The following LYST variants were observed in gnomAD, a reference collection of about 807,000 sequenced individuals.
LYST encodes the protein lysosomal-trafficking regulator.
In LYST, 192 loss-of-function variants were observed where a neutral mutation model predicts 413.6. The ratio of observed to expected loss-of-function variants is 0.46; its 90% confidence interval spans 0.41 to 0.52. The LOEUF (loss-of-function observed/expected upper bound fraction) is 0.52, where lower values mean the gene tolerates loss of function less well. Ranked by LOEUF, LYST falls within the 20% of genes least tolerant of loss-of-function variation. The pLI is 0.00. For missense variants in LYST, 3,815 were observed against 4,499.9 expected, an observed-to-expected ratio of 0.85 and a Z score of 4.35; for synonymous variants, 1,525 against 1,567.3, an observed-to-expected ratio of 0.97 and a Z score of 0.64.
At position 235,709,232 on chromosome 1, in the gene LYST, A is replaced by G. The variant is rs1243601624; in HGVS notation, c.10002T>C (p.Pro3334=). Residue 3334 remains proline, a synonymous_variant, in exon 44 of 53, where the codon CCT becomes CCC. Transcript: ENST00000389793. The stretch of plus-strand genomic sequence containing the variant: ...GCCGATGGATGAGGATAAAAAGACG[A>G]GGATCATTACGCGCCCAAGGGGGAA... ...VNLPPWARND[P]RLFILIHRQA... is the part of the protein sequence containing the mutation. 6.2e-7 allele frequency: 1 copy of G among 1,614,166 alleles called. No homozygotes were observed. Among genetic ancestry groups the G allele is most frequent in the African/African-American group, 1.3e-5 (1 of 75,042 alleles).
chr1:235,759,013 A>C lies in LYST; in HGVS notation c.6840T>G (p.Leu2280=). 1.9e-6 allele frequency: 3 copies of C among 1,614,102 alleles called. No individual in the cohort carries two copies. Among genetic ancestry groups the C allele is most frequent in the Non-Finnish European group, 2.5e-6 (3 of 1,179,984 alleles). Residue 2280 remains leucine, a synonymous_variant, in exon 23 of 53, where the codon CTT becomes CTG. Transcript: ENST00000389793. ...TDDWENFAYS[L]GYEPNYNRTA... Reference sequence around the variant, plus strand: ...TTCGGTTGTAATTTGGCTCATAACCAAGAGAATAGGCAAAGTTTTCCCAAT... The same window carrying C: ...TTCGGTTGTAATTTGGCTCATAACCCAGAGAATAGGCAAAGTTTTCCCAAT...
At chr1:235,755,384 G>A (rs1386360848) in intron 25 of LYST, 94 bp downstream of exon 25, 18 of 779,276 alleles carry the variant, frequency 2.3e-5, no homozygotes, top group Admixed American at 1.8e-4. Flanking sequence ...GCGAGACTCC[G>A]TCTCAAAAGA....
intron 47 of LYST, among the ~76,000 whole-genome samples, chr1:235,690,570 T>G (rs1660566464): frequency 6.6e-6 from 1 of 152,242 alleles, no homozygotes; most frequent in Non-Finnish European, 1.5e-5. Context: ...CTCTTTATTC[T>G]TACTTCTGTC....
chr1:235,825,695 T>C (rs1317463030), intron 3 of LYST, among the ~76,000 whole-genome samples: 1 of 152,202 alleles, frequency 6.6e-6, no homozygotes, highest in Non-Finnish European at 1.5e-5. Context: ...AAGACATAAA[T>C]AGAGTTTGAT....
rs370683101 is a variant in LYST at position 235,809,020 on chromosome 1, T to C, written c.1798A>G (p.Lys600Glu). 29 of 1,613,982 alleles carry C rather than the reference T, an allele frequency of 1.8e-5. No homozygotes were observed. The African/African-American group carries it at 3.2e-4, about 18-fold the overall frequency. The change falls in exon 5 of 53, where the codon AAA (lysine) becomes GAA (glutamate). Residue 600 changes from lysine to glutamate, a missense_variant. Lys to Glu is a moderately conservative substitution (Grantham distance 56, BLOSUM62 1). This residue lies in a region of LYST where 1,648 missense variants were observed against 1,810.3 expected (regional missense o/e 0.91). Coordinates refer to ENST00000389793, the MANE Select transcript of LYST (RefSeq NM_000081.4). This position sits in a 1 kb window ranked among gnomAD's most constrained non-coding sequence, Gnocchi z 4.0. Reference protein sequence around the residue: ...SVIIPLLHAFKLPALKNFQQH... With the variant: ...SVIIPLLHAFELPALKNFQQH... Reference sequence around the variant, plus strand: ...TGAAAATTTTTCAGTGCTGGCAATTTAAAAGCATGGAGCAAAGGAATGATT... The same window carrying C: ...TGAAAATTTTTCAGTGCTGGCAATTCAAAAGCATGGAGCAAAGGAATGATT...
chr1:235,721,984 G>A (rs967644101), intron 39 of LYST, among the ~76,000 whole-genome samples: 7 of 152,180 alleles, frequency 4.6e-5, no homozygotes, highest in Middle Eastern at 3.2e-3. Flanking sequence ...TTGGTGGAGA[G>A]GGAGGGGTGG....
chr1:235,787,065 CA>C, intron 14 of LYST, 134 bp downstream of exon 14: 6 of 679,848 alleles, frequency 8.8e-6, no homozygotes, highest in Non-Finnish European at 1.5e-5. Flanking sequence ...AAAAAAGAAA[CA>C]ACAAAAAATA....
chr1:235,753,356 C>T (rs1666687865), intron 25 of LYST, 82 bp from the exon 26 acceptor site: 1 of 876,538 alleles, frequency 1.1e-6, no homozygotes, highest in African/African-American at 1.7e-5. Context: ...GGTCATCTTG[C>T]TAACTTGATT....
At chr1:235,792,471 C>A (rs1020117264) in intron 11 of LYST, among the ~76,000 whole-genome samples, 1 of 151,376 alleles carries the variant, frequency 6.6e-6, no homozygotes, top group African/African-American at 2.4e-5. Flanking sequence ...CCCACCACCA[C>A]CCCCAGCTAA....
chr1:235,830,492 T>G lies in LYST; in HGVS notation c.-7-68A>C. ...ATACAAATTTACTTTTAAAACTATGTGTTTTTGTTGTTTGTTTCTAACTGA... is the reference window on the plus strand; with the variant it reads ...ATACAAATTTACTTTTAAAACTATGGGTTTTTGTTGTTTGTTTCTAACTGA... On this transcript the variant is annotated intron_variant, in intron 2 of 52. Transcript: ENST00000389793. The G allele has an allele frequency of 2.5e-6, 3 of 1,213,502 alleles. No individual in the cohort carries two copies. The Admixed American group carries it at 6.6e-5, about 27-fold the overall frequency. 75.2% of individuals were successfully genotyped at this position (1,213,502 alleles called of 1,614,324 possible).
At chr1:235,665,595 G>C (rs1658372587) in intron 50 of LYST, among the ~76,000 whole-genome samples, 1 of 122,124 alleles carries the variant, frequency 8.2e-6, no homozygotes, top group African/African-American at 3.2e-5. Context: ...CTGGGCGACA[G>C]AGCAGAGACT....
intron 48 of LYST, among the ~76,000 whole-genome samples, chr1:235,681,560 GAGA>G (rs1320203725): frequency 9.9e-5 from 15 of 152,164 alleles, no homozygotes; most frequent in Non-Finnish European, 1.5e-5. Context: ...GGACACCAGT[GAGA>G]AGGTCAACAT....
At chr1:235,752,349 T>C (rs986783046) in intron 26 of LYST, among the ~76,000 whole-genome samples, 178 bp from the exon 27 acceptor site, 2 of 152,176 alleles carry the variant, frequency 1.3e-5, no homozygotes, top group East Asian at 1.9e-4. Context: ...GTAGTATGTA[T>C]GCTAGAAATA....
chr1:235,834,466 G>A (rs1676330098), intron 1 of LYST, among the ~76,000 whole-genome samples: 1 of 152,136 alleles, frequency 6.6e-6, no homozygotes, highest in Non-Finnish European at 1.5e-5. Context: ...TTGGACTCCT[G>A]AGCTCAAGTG....
chr1:235,776,709 T>G (rs372398185), intron 17 of LYST, among the ~76,000 whole-genome samples: 1 of 152,012 alleles, frequency 6.6e-6, no homozygotes. Context: ...TTTTAAAGTA[T>G]TTTTTGACCC....
chr1:235,864,249 G>T (rs1308804426), intron 1 of LYST, among the ~76,000 whole-genome samples: 1 of 152,102 alleles, frequency 6.6e-6, no homozygotes, highest in African/African-American at 2.4e-5. Context: ...TCTGAATAAA[G>T]CCTTACTTAC....
chr1:235,781,118 G>T, intron 15 of LYST, 63 bp from the exon 16 acceptor site: 1 of 1,000,092 alleles, frequency 1.0e-6, no homozygotes, highest in Non-Finnish European at 1.6e-6. Context: ...TTCATAAAAA[G>T]CAAGAAACCA....
At chr1:235,756,046 T>TATCTAC (rs1411026519) in intron 24 of LYST, among the ~76,000 whole-genome samples, 1 of 151,710 alleles carries the variant, frequency 6.6e-6, no homozygotes, top group Admixed American at 6.6e-5. Context: ...TCTATATCTA[T>TATCTAC]ATCTATATCT....
At chr1:235,830,103 G>T in intron 3 of LYST, 123 bp downstream of exon 3, 2 of 700,940 alleles carry the variant, frequency 2.9e-6, no homozygotes, top group Non-Finnish European at 4.9e-6. Flanking sequence ...TTTTTTAGTG[G>T]AATAATGTGA....
Sources: gnomAD v4.1 joint callset for allele counts (sites outside exome capture counted in the v4.1 genomes callset) on GRCh38, gnomAD v4.1.1 for gene constraint, gnomAD v4.1.1 regional missense constraint, Gnocchi (gnomAD v3.1) non-coding constraint, MANE v1.5 for transcripts, NCBI Gene and HGNC (gene_info 2026-07-23, HGNC 2026-07-21) for gene names.